The following PIK3CA variants were observed in gnomAD, a reference collection of about 807,000 sequenced individuals.
PIK3CA encodes the protein phosphatidylinositol 4,5-bisphosphate 3-kinase catalytic subunit alpha isoform.
Under a neutral mutation model 138.2 loss-of-function variants are expected in PIK3CA, and 27 were observed. The observed-to-expected ratio is 0.20, with a 90% confidence interval of 0.14 to 0.27. PIK3CA has a LOEUF of 0.27. PIK3CA is among the 10% of genes least tolerant of loss of function. PIK3CA has a pLI of 1.00. For synonymous variants in PIK3CA, 358 were observed against 413.2 expected, an observed-to-expected ratio of 0.87 and a Z score of 1.62; for missense variants, 544 against 1,277.4, an observed-to-expected ratio of 0.43 and a Z score of 8.75.
chr3:179,177,261 C>G (rs1021845135), intron 1 of PIK3CA, among the ~76,000 whole-genome samples: 15 of 150,992 alleles, frequency 9.9e-5, no homozygotes, highest in Admixed American at 9.9e-4. Context: ...TGAGATTTAT[C>G]CATCTTTTTC....
At chr3:179,179,173 A>G (rs1442539690) in intron 1 of PIK3CA, among the ~76,000 whole-genome samples, 1 of 152,250 alleles carries the variant, frequency 6.6e-6, no homozygotes, top group Non-Finnish European at 1.5e-5. Flanking sequence ...TTTACAACCT[A>G]GCATTTTGCT....
chr3:179,162,889 T>TA (rs1723320277), intron 1 of PIK3CA, among the ~76,000 whole-genome samples: 1 of 150,904 alleles, frequency 6.6e-6, no homozygotes, highest in Admixed American at 6.6e-5. Context: ...ATTAGCAAGG[T>TA]AATTTTTAAT....
intron 14 of PIK3CA, among the ~76,000 whole-genome samples, chr3:179,222,642 T>C (rs1277070005): frequency 1.3e-5 from 2 of 152,190 alleles, no homozygotes; most frequent in Admixed American, 6.6e-5. Context: ...CTGTAGACTA[T>C]TGGTCGTTTA....
At chr3:179,156,967 A>T (rs1322961773) in intron 1 of PIK3CA, among the ~76,000 whole-genome samples, 1 of 152,132 alleles carries the variant, frequency 6.6e-6, no homozygotes, top group African/African-American at 2.4e-5. Context: ...ACATCCTTGG[A>T]ATTTTTTGCT....
intron 9 of PIK3CA, among the ~76,000 whole-genome samples, chr3:179,216,876 G>A (rs1424246322): frequency 6.6e-6 from 1 of 152,014 alleles, no homozygotes; most frequent in Non-Finnish European, 1.5e-5. Context: ...ATCGAGGATT[G>A]AGTATGTATT....
At chr3:179,160,470 G>A (rs1348698356) in intron 1 of PIK3CA, among the ~76,000 whole-genome samples, 4 of 152,164 alleles carry the variant, frequency 2.6e-5, no homozygotes, top group African/African-American at 9.7e-5. Context: ...TACCCAGCCT[G>A]TAGTGCCCAA....
At chr3:179,191,945 A>G (rs1055762014) in intron 1 of PIK3CA, among the ~76,000 whole-genome samples, 3 of 152,218 alleles carry the variant, frequency 2.0e-5, no homozygotes, top group East Asian at 3.8e-4. Flanking sequence ...GCCTAAAAAC[A>G]TAAGTATTTT....
intron 9 of PIK3CA, among the ~76,000 whole-genome samples, chr3:179,216,046 G>T (rs1405100887): frequency 2.6e-5 from 4 of 152,148 alleles, no homozygotes; most frequent in African/African-American, 9.7e-5. Context: ...ATTAGCCAAG[G>T]TTCCTGGGTG....
chr3:179,174,151 A>G (rs1020674860), intron 1 of PIK3CA, among the ~76,000 whole-genome samples: 11 of 152,132 alleles, frequency 7.2e-5, no homozygotes, highest in African/African-American at 2.4e-4. Flanking sequence ...CATGCATATT[A>G]TTTTCAAATT....
chr3:179,190,557 A>G (rs2108378505), intron 1 of PIK3CA, among the ~76,000 whole-genome samples: 1 of 152,290 alleles, frequency 6.6e-6, no homozygotes, highest in East Asian at 1.9e-4. Flanking sequence ...TTCTGTAGCA[A>G]ATGTAGAGGG....
chr3:179,179,119 C>CT (rs1490201711), intron 1 of PIK3CA, among the ~76,000 whole-genome samples: 1 of 152,132 alleles, frequency 6.6e-6, no homozygotes, highest in African/African-American at 2.4e-5. Flanking sequence ...TGCAAACAGG[C>CT]TTTTTTAAGG....
chr3:179,220,091 A>C lies in PIK3CA; in HGVS notation c.2015+39A>C, dbSNP rs752169381. On this transcript the variant is annotated intron_variant, in intron 13 of 20. Transcript: ENST00000263967. The surrounding 1 kb of genome is among the most constrained non-coding windows in gnomAD (Gnocchi z 4.1). ...TTTTCCCATTAAATTCTTAAGGTAC[A>C]TATTACTTGCTTTCTTAATAGATTT... 1 of 1,351,884 alleles carries C rather than the reference A, an allele frequency of 7.4e-7. No individual in the cohort carries two copies. Among genetic ancestry groups the C allele is most frequent in the Non-Finnish European group, 1.0e-6 (1 of 977,056 alleles). 83.7% of individuals were successfully genotyped at this position (1,351,884 alleles called of 1,614,324 possible). A position where few individuals can be genotyped will look rare whatever the true frequency, so the allele number is the denominator to read the frequency against.
rs1436163100 is a variant in PIK3CA at position 179,210,540 on chromosome 3, G to A, written c.1514G>A (p.Gly505Glu). ...AATTGGTCTGTATCCCGAGAAGCAGGATTTAGCTATTCCCACGCAGGACTG... is the reference window on the plus strand; with the variant it reads ...AATTGGTCTGTATCCCGAGAAGCAGAATTTAGCTATTCCCACGCAGGACTG... ...HANWSVSREA[G>E]FSYSHAGLSN... The change falls in exon 9 of 21, where the codon GGA (glycine) becomes GAA (glutamate). Residue 505 changes from glycine (G) to glutamate (E), a missense_variant. Physicochemically the swap from Gly to Glu is moderately conservative, Grantham distance 98 (BLOSUM62 -2). Transcript: ENST00000263967. 1 of 1,613,852 alleles carries A rather than the reference G, an allele frequency of 6.2e-7. No homozygotes were observed. The highest frequency in any genetic ancestry group is 8.5e-7 in the Non-Finnish European group (1 of 1,179,962).
intron 4 of PIK3CA, among the ~76,000 whole-genome samples, chr3:179,203,330 A>G (rs1003718918): frequency 1.3e-5 from 2 of 152,136 alleles, no homozygotes; most frequent in African/African-American, 4.8e-5. Context: ...CTTTCGTGCA[A>G]TTTATATTCA....
chr3:179,239,748 C>T lies in PIK3CA; in HGVS notation c.*5384C>T, dbSNP rs1056518597. 10 of 389,274 alleles carry T rather than the reference C, an allele frequency of 2.6e-5. No individual in the cohort carries two copies. The highest frequency in any genetic ancestry group is 2.1e-4 in the African/African-American group (10 of 48,124). 24.1% of individuals were successfully genotyped at this position (389,274 alleles called of 1,614,324 possible). A position where few individuals can be genotyped will look rare whatever the true frequency, so the allele number is the denominator to read the frequency against. On this transcript the variant is annotated 3_prime_UTR_variant, in exon 21 of 21. Coordinates refer to ENST00000263967, the MANE Select transcript of PIK3CA (RefSeq NM_006218.4). ...CAAGAAATTCGAACCACCCTTTTGG[C>T]CCCATTAATTGTAGCAAGTTTATTT...
At chr3:179,218,089 C>T (rs1446979324) in intron 9 of PIK3CA, 121 bp from the exon 10 acceptor site, 4 of 871,408 alleles carry the variant, frequency 4.6e-6, no homozygotes, top group Admixed American at 6.8e-5. Context: ...TATTTTACAA[C>T]AGTTAATTAG....
At chr3:179,209,192 A>G (rs1724646116) in intron 6 of PIK3CA, among the ~76,000 whole-genome samples, 1 of 151,932 alleles carries the variant, frequency 6.6e-6, no homozygotes. Flanking sequence ...TTATTCCTAC[A>G]ATTGGAGCTG....
At chr3:179,148,824 C>T (rs1213701080) in intron 1 of PIK3CA, among the ~76,000 whole-genome samples, 1 of 152,170 alleles carries the variant, frequency 6.6e-6, no homozygotes, top group African/African-American at 2.4e-5. Context: ...CGCTCCCTCT[C>T]CTTTCTCTCT....
chr3:179,222,226 A>G (rs188095995), intron 14 of PIK3CA, among the ~76,000 whole-genome samples: 1 of 152,230 alleles, frequency 6.6e-6, no homozygotes, highest in African/African-American at 2.4e-5. Flanking sequence ...CTTCATTACT[A>G]GTACTTGAAG....
Sources: gnomAD v4.1 joint callset for allele counts (sites outside exome capture counted in the v4.1 genomes callset) on GRCh38, gnomAD v4.1.1 for gene constraint, Gnocchi (gnomAD v3.1) non-coding constraint, MANE v1.5 for transcripts, NCBI Gene and HGNC (gene_info 2026-07-23, HGNC 2026-07-21) for gene names.